LYST: variants seen among roughly 807,000 people sequenced by gnomAD.
LYST encodes the protein lysosomal trafficking regulator.
In LYST, 192 loss-of-function variants were observed where a neutral mutation model predicts 413.6. The ratio of observed to expected loss-of-function variants is 0.46; its 90% CI spans 0.41 to 0.52. The LOEUF is 0.52. Ranked by LOEUF, LYST falls within the 20% of genes least tolerant of loss-of-function variation. The pLI is 0.00. For missense variants in LYST, 3,815 were observed against 4,499.9 expected (o/e 0.85, Z 4.35); for synonymous variants, 1,525 against 1,567.3 (o/e 0.97, Z 0.64).
chr1:235,830,409 G>C lies in LYST; in HGVS notation c.9C>G (p.Thr3=). 1 of 1,611,660 alleles carries C rather than the reference G, an allele frequency of 6.2e-7. No individual in the cohort carries two copies. The highest frequency in any genetic ancestry group is 8.5e-7 in the Non-Finnish European group (1 of 1,178,618). Reference sequence around the variant, plus strand: ...ATTCACGTGCCAGTGAGTTACTGTCGGTGCTCATGACCGAGCTATAAAATA... The same window carrying C: ...ATTCACGTGCCAGTGAGTTACTGTCCGTGCTCATGACCGAGCTATAAAATA... MS[T]DSNSLAREFL... is the part of the protein sequence containing the mutation. Residue 3 remains threonine, a synonymous_variant, in exon 3 of 53, where the codon ACC becomes ACG. Coordinates refer to ENST00000389793, the MANE Select transcript of LYST (RefSeq NM_000081.4).
At chr1:235,694,078 C>A (rs939928765) in intron 46 of LYST, among the ~76,000 whole-genome samples, 1 of 149,808 alleles carries the variant, frequency 6.7e-6, no homozygotes, top group Non-Finnish European at 1.5e-5. Flanking sequence ...GGCGCAATCT[C>A]GGCTCACTGC....
At chr1:235,756,932 C>T (rs1667103793) in intron 24 of LYST, among the ~76,000 whole-genome samples, 1 of 151,978 alleles carries the variant, frequency 6.6e-6, no homozygotes, top group Admixed American at 6.6e-5. Context: ...TTCCAATGAA[C>T]CACGTATTCC....
chr1:235,794,968 C>T (rs969206669), intron 10 of LYST, among the ~76,000 whole-genome samples: 1 of 151,642 alleles, frequency 6.6e-6, no homozygotes, highest in Non-Finnish European at 1.5e-5. Context: ...GGAAGAAATC[C>T]GTAACAGCAA....
chr1:235,832,509 CAT>C (rs960826643), intron 2 of LYST, among the ~76,000 whole-genome samples: 5 of 152,094 alleles, frequency 3.3e-5, no homozygotes, highest in African/African-American at 1.2e-4. Context: ...AAAATATATA[CAT>C]GTTTATATGA....
At chr1:235,767,718 T>A (rs1408816846) in intron 20 of LYST, among the ~76,000 whole-genome samples, 3 of 152,122 alleles carry the variant, frequency 2.0e-5, no homozygotes, top group African/African-American at 7.2e-5. Flanking sequence ...TTTTTAATAA[T>A]CATTTGTTCT....
Position 235,788,859 on chromosome 1 carries a change from A to T in LYST, c.4544-14T>A. The T allele has an allele frequency of 1.2e-6, 2 of 1,612,436 alleles. No homozygotes were observed. The highest frequency in any genetic ancestry group is 1.7e-6 in the Non-Finnish European group (2 of 1,178,576). On this transcript the variant is annotated splice_polypyrimidine_tract_variant and intron_variant, in intron 12 of 52. Coordinates refer to ENST00000389793, the MANE Select transcript of LYST (RefSeq NM_000081.4). ...GTCTGTCGCTCTCTATAAGAAAAAG[A>T]TGTTAGAATGATCAGTAAAATGGTT...
chr1:235,806,676 A>C lies in LYST; in HGVS notation c.2460T>G (p.Phe820Leu), dbSNP rs35261143. ...CCCCTAGGCTGATTATCAGAGTTTC[A>C]AATGCTTTTAGAGAATGACTTCGAA... ...NGIRSHSLKAFETLIISLGEQ... is the reference protein window; with the variant it reads ...NGIRSHSLKALETLIISLGEQ... The change falls in exon 6 of 53, where the codon TTT (phenylalanine) becomes TTG (leucine). Residue 820 changes from phenylalanine to leucine, a missense_variant. Physicochemically the swap from Phe to Leu is conservative, Grantham distance 22 (BLOSUM62 0). Coordinates refer to ENST00000389793, the MANE Select transcript of LYST (RefSeq NM_000081.4). 9.6e-5 allele frequency: 155 copies of C among 1,613,588 alleles called. No homozygotes were observed. The highest frequency in any genetic ancestry group is 1.3e-4 in the Non-Finnish European group (150 of 1,179,650).
chr1:235,778,132 G>GATATATATATATATAT, intron 16 of LYST, among the ~76,000 whole-genome samples: 1 of 137,672 alleles, frequency 7.3e-6, no homozygotes, highest in African/African-American at 3.4e-5. Context: ...TTTTTGTAGA[G>GATATATATATATATAT]ACATGGTCTT....
At chr1:235,839,924 A>G (rs1677031099) in intron 1 of LYST, 1 of 152,108 alleles carries the variant, frequency 6.6e-6, no homozygotes, top group South Asian at 2.1e-4. Flanking sequence ...ATTATTTCCA[A>G]TTGTTCAGTA....
intron 21 of LYST, among the ~76,000 whole-genome samples, chr1:235,764,334 T>A (rs1446664766): frequency 6.6e-6 from 1 of 152,078 alleles, no homozygotes; most frequent in African/African-American, 2.4e-5. Flanking sequence ...GGGGACCATA[T>A]TTTACCCATC....
In LYST at chr1:235,751,354, C is replaced by A. The variant is rs566777948; in HGVS notation, c.7636G>T (p.Val2546Phe). ...TGGAGAACTCTAAGCTGTAGTGCAA[C>A]AGCCATATCTAAAAACAGAAGATAC... ...SKNKRTQNMA[V>F]ALQLRVLQAA... The change falls in exon 28 of 53, where the codon GTT (valine) becomes TTT (phenylalanine). Residue 2546 changes from valine (V) to phenylalanine (F), a missense_variant. Physicochemically the swap from Val to Phe is conservative, Grantham distance 50. This residue lies in a region of LYST where 771 missense variants were observed against 837.1 expected (regional missense o/e 0.92). Coordinates refer to ENST00000389793, the MANE Select transcript of LYST (RefSeq NM_000081.4). The A allele has an allele frequency of 6.2e-7, 1 of 1,613,132 alleles. No homozygotes were observed. The highest frequency in any genetic ancestry group is 8.5e-7 in the Non-Finnish European group (1 of 1,179,464).
chr1:235,804,453 C>T (rs750136780), intron 7 of LYST, 51 bp downstream of exon 7: 23 of 1,441,852 alleles, frequency 1.6e-5, no homozygotes, highest in African/African-American at 2.8e-5. Context: ...CCCACACTTC[C>T]GCCTCTGCTG....
At chr1:235,736,344 C>T (rs141938724) in intron 31 of LYST, 55 of 152,092 alleles carry the variant, frequency 3.6e-4, no homozygotes, top group African/African-American at 1.3e-3. Flanking sequence ...GAGTAGACTA[C>T]AGAAAGGGAG....
rs200403557 is a variant in LYST at position 235,759,367 on chromosome 1, G to A, written c.6486C>T (p.Asp2162=). The A allele has an allele frequency of 4.1e-5, 66 of 1,614,002 alleles. No individual in the cohort carries two copies. The highest frequency in any genetic ancestry group is 1.6e-4 in the Middle Eastern group (1 of 6,084). ...CAGACTCACAGCTACTGATGAATGCGTCCTCTTTGCCTTTTTTCAGTGTGT... is the reference window on the plus strand; with the variant it reads ...CAGACTCACAGCTACTGATGAATGCATCCTCTTTGCCTTTTTTCAGTGTGT... ...SSDTLKKGKE[D]AFISSCESAK... is the part of the protein sequence containing the mutation. The change falls in exon 23 of 53, where the codon GAC becomes GAT. Residue 2162 remains aspartate, a synonymous_variant. Transcript: ENST00000389793.
At position 235,800,330 on chromosome 1, in the gene LYST, A is replaced by T; in HGVS notation, c.3996T>A (p.Ser1332=). The change falls in exon 10 of 53, where the codon TCT becomes TCA. Residue 1332 remains serine (S), a synonymous_variant. Transcript: ENST00000389793. ...ACAGTTTCAACTTACCTTGAAAATC[A>T]GAATCATCCTGTGTTAAAATACTCA... The part of the protein sequence containing the change: ...GFLSILTQDD[S]DFQACQRVLV... 1 of 1,582,894 alleles carries T rather than the reference A, an allele frequency of 6.3e-7. No individual in the cohort carries two copies. Among genetic ancestry groups the T allele is most frequent in the Non-Finnish European group, 8.7e-7 (1 of 1,151,816 alleles).
At chr1:235,776,318 T>C (rs145882461) in intron 17 of LYST, among the ~76,000 whole-genome samples, 25 of 152,304 alleles carry the variant, frequency 1.6e-4, no homozygotes, top group African/African-American at 6.0e-4. Flanking sequence ...ATGCTTCTTA[T>C]TGCAAAATTA....
At chr1:235,685,373 C>T (rs766279837) in intron 48 of LYST, among the ~76,000 whole-genome samples, 2 of 152,140 alleles carry the variant, frequency 1.3e-5, no homozygotes, top group Non-Finnish European at 2.9e-5. Context: ...GGAAGTGTTT[C>T]TCCTTGCAGG....
chr1:235,702,702 T>C, intron 45 of LYST, 45 bp downstream of exon 45: 1 of 1,492,174 alleles, frequency 6.7e-7, no homozygotes, highest in Non-Finnish European at 9.4e-7. Flanking sequence ...ATCACAAGAG[T>C]CTAATCAGGT....
intron 44 of LYST, among the ~76,000 whole-genome samples, chr1:235,708,497 A>G (rs1348909091): frequency 6.6e-6 from 1 of 152,166 alleles, no homozygotes; most frequent in Non-Finnish European, 1.5e-5. Flanking sequence ...TCCCTAACTG[A>G]TAAGAGTGGC....
Sources: allele counts gnomAD v4.1 joint callset (sites outside exome capture counted in the v4.1 genomes callset), GRCh38; gene constraint gnomAD v4.1.1; regional missense constraint gnomAD v4.1.1; transcripts MANE v1.5; gene names NCBI Gene and HGNC (gene_info 2026-07-23, HGNC 2026-07-21).